Variants in C6 observed in about 807,000 individuals in gnomAD.
C6 encodes complement component C6.
Under a neutral mutation model 112.9 loss-of-function variants are expected in C6, and 101 were observed. The observed-to-expected ratio is 0.89, with a 90% CI of 0.76 to 1.06. C6 has a LOEUF of 1.06. Among genes scored for constraint, C6 ranks in the 50% least tolerant of loss-of-function variants. The pLI is 0.00. For missense variants in C6, 1,202 were observed against 1,104.6 expected (o/e 1.09, Z -1.25); for synonymous variants, 431 against 384.1 (o/e 1.12, Z -1.43).
At chr5:41,158,615 A>T (rs542164986) in intron 13 of C6, 59 bp downstream of exon 13, 1 of 869,814 alleles carries the variant, frequency 1.1e-6, no homozygotes, top group East Asian at 2.4e-5. Flanking sequence ...TTAAAAGACA[A>T]GCTATACTTT....
chr5:41,189,718 C>T (rs914160030), intron 5 of C6, among the ~76,000 whole-genome samples: 2 of 152,008 alleles, frequency 1.3e-5, no homozygotes, highest in Admixed American at 6.6e-5. Context: ...ACTTATTCCT[C>T]TTATCTAGCT....
At chr5:41,186,332 TC>T in intron 5 of C6, 124 bp from the exon 6 acceptor site, 1 of 1,051,512 alleles carries the variant, frequency 9.5e-7, no homozygotes, top group Non-Finnish European at 1.4e-6. Context: ...CTTGAAGGAA[TC>T]CCCCACACCT....
At chr5:41,183,100 C>CAT (rs1163549905) in intron 6 of C6, among the ~76,000 whole-genome samples, 1 of 152,136 alleles carries the variant, frequency 6.6e-6, no homozygotes, top group African/African-American at 2.4e-5. Context: ...TTCCATTGTG[C>CAT]ATATATTCCT....
chr5:41,213,526 G>T lies in C6; in HGVS notation c.-171C>A. On this transcript the variant is annotated 5_prime_UTR_variant, in exon 1 of 18. It adds an upstream start codon to the 5' untranslated region. Transcript: ENST00000337836. ...CACAAGGCAATGCTGTCATATCCCAGAAGCCTAGCAACACCTAGAGGGTTG... is the reference window on the plus strand; with the variant it reads ...CACAAGGCAATGCTGTCATATCCCATAAGCCTAGCAACACCTAGAGGGTTG... 2.0e-6 allele frequency: 2 copies of T among 985,310 alleles called. No homozygotes were observed. The highest frequency in any genetic ancestry group is 2.4e-6 in the Non-Finnish European group (2 of 829,890). 61.0% of individuals were successfully genotyped at this position (985,310 alleles called of 1,614,324 possible). A position where few individuals can be genotyped will look rare whatever the true frequency, so the allele number is the denominator to read the frequency against.
At chr5:41,202,160 A>C (rs192745524) in intron 2 of C6, among the ~76,000 whole-genome samples, 3 of 152,242 alleles carry the variant, frequency 2.0e-5, no homozygotes, top group Non-Finnish European at 4.4e-5. Flanking sequence ...ATTCAAAGAG[A>C]AAGTGGCATG....
chr5:41,223,158 A>T (rs1484763713), intron 1 of C6, among the ~76,000 whole-genome samples: 2 of 152,184 alleles, frequency 1.3e-5, no homozygotes, highest in East Asian at 3.8e-4. Context: ...GGTTTCTCCT[A>T]TAACTAACAT....
intron 1 of C6, among the ~76,000 whole-genome samples, chr5:41,225,286 C>A (rs9763132): frequency 0.12 from 17,529 of 150,638 alleles, 2,077 homozygotes; most frequent in African/African-American, 0.31. Context: ...TCATTGTTCA[C>A]TTCCCACCTA....
At chr5:41,260,876 C>G (rs1029594473) in intron 1 of C6, among the ~76,000 whole-genome samples, 1 of 151,436 alleles carries the variant, frequency 6.6e-6, no homozygotes, top group Admixed American at 6.6e-5. Context: ...TAAGGAGAAA[C>G]AGAATGAATG....
chr5:41,225,534 G>A (rs1057167549), intron 1 of C6, among the ~76,000 whole-genome samples: 2 of 152,176 alleles, frequency 1.3e-5, no homozygotes, highest in African/African-American at 2.4e-5. Flanking sequence ...ACATACGAAT[G>A]CATGTGTCTT....
Position 41,142,372 on chromosome 5 carries a change from T to C in C6, c.*453A>G, listed in dbSNP as rs1360231731. On this transcript the variant is annotated 3_prime_UTR_variant, in exon 18 of 18. Transcript: ENST00000337836. ...TTTGGTCAGTACTTGACATCCTGTA[T>C]ACACACTCAGAAATTATTTGTTGAA... 1 of 204,874 alleles carries C rather than the reference T, an allele frequency of 4.9e-6. No homozygotes were observed. The highest frequency in any genetic ancestry group is 1.0e-5 in the Non-Finnish European group (1 of 97,932). 12.7% of individuals were successfully genotyped at this position (204,874 alleles called of 1,614,324 possible). A position where few individuals can be genotyped will look rare whatever the true frequency, so the allele number is the denominator to read the frequency against.
At chr5:41,208,983 G>A (rs941721480) in intron 1 of C6, among the ~76,000 whole-genome samples, 1 of 152,130 alleles carries the variant, frequency 6.6e-6, no homozygotes. Context: ...TAAAATACTG[G>A]CAAACTGAAT....
At chr5:41,200,902 T>TTTTTTG (rs1750979949) in intron 3 of C6, among the ~76,000 whole-genome samples, 1 of 143,980 alleles carries the variant, frequency 6.9e-6, no homozygotes, top group Non-Finnish European at 1.5e-5. Context: ...TTTTTTTTTT[T>TTTTTTG]TTTTTTTTTT....
rs116831391 is a variant in C6 at position 41,190,198 on chromosome 5, A to G, written c.588-3990T>C. Reference sequence around the variant, plus strand: ...TTGAGGAATCTCCATACTGGTCTCCATAAGAGCTACATTAGTTTACATTCT... The same window carrying G: ...TTGAGGAATCTCCATACTGGTCTCCGTAAGAGCTACATTAGTTTACATTCT... On this transcript the variant is annotated intron_variant, in intron 5 of 17. Transcript: ENST00000337836. Among the ~76,000 whole-genome samples the G allele has an allele frequency of 4.8e-3, 736 of 152,290 alleles. 2 individuals are homozygous for G. The highest frequency in any genetic ancestry group is 7.5e-3 in the Non-Finnish European group (510 of 68,004).
At chr5:41,186,785 TAA>T (rs758095975) in intron 5 of C6, among the ~76,000 whole-genome samples, 11 of 152,104 alleles carry the variant, frequency 7.2e-5, no homozygotes, top group Non-Finnish European at 1.5e-4. Context: ...TTACTAATAA[TAA>T]CTTATATTTA....
intron 9 of C6, among the ~76,000 whole-genome samples, chr5:41,170,714 A>C (rs1218383164): frequency 6.6e-6 from 1 of 152,070 alleles, no homozygotes. Context: ...TTATTATAGT[A>C]AATATTATAT....
At chr5:41,253,490 C>T (rs920687554) in intron 1 of C6, among the ~76,000 whole-genome samples, 3 of 152,184 alleles carry the variant, frequency 2.0e-5, no homozygotes, top group Non-Finnish European at 4.4e-5. Flanking sequence ...GGGAGACTCC[C>T]AGGCTCCACT....
At chr5:41,230,181 T>G (rs887122518) in intron 1 of C6, among the ~76,000 whole-genome samples, 1 of 152,094 alleles carries the variant, frequency 6.6e-6, no homozygotes, top group African/African-American at 2.4e-5. Flanking sequence ...CATATATGTT[T>G]GAACAATATG....
intron 1 of C6, among the ~76,000 whole-genome samples, chr5:41,252,217 A>T (rs80257462): frequency 0.026 from 3,908 of 152,330 alleles, 169 homozygotes; most frequent in African/African-American, 0.089. Flanking sequence ...ATTCAAAGAA[A>T]TATGTTAACC....
At chr5:41,220,927 A>G (rs1047400004) in intron 1 of C6, among the ~76,000 whole-genome samples, 1 of 152,044 alleles carries the variant, frequency 6.6e-6, no homozygotes, top group African/African-American at 2.4e-5. Context: ...CCAATGTATA[A>G]ACAGATTTTT....
Sources: allele counts gnomAD v4.1 joint callset (sites outside exome capture counted in the v4.1 genomes callset), GRCh38; gene constraint gnomAD v4.1.1; transcripts MANE v1.5; gene names NCBI Gene and HGNC (gene_info 2026-07-23, HGNC 2026-07-21).